UBE2G1: variants seen among roughly 807,000 people sequenced by gnomAD.
UBE2G1 encodes ubiquitin-conjugating enzyme E2 G1.
A neutral mutation model predicts 22.7 loss-of-function variants in UBE2G1; 5 were observed. The ratio of observed to expected loss-of-function variants is 0.22; its 90% CI spans 0.12 to 0.46. The LOEUF (loss-of-function observed/expected upper bound fraction) is 0.46. UBE2G1 is among the 20% of genes least tolerant of loss of function. UBE2G1 has a pLI of 0.99. For synonymous variants in UBE2G1, 74 were observed against 67.5 expected, an observed-to-expected ratio of 1.10 and a Z score of -0.47; for missense variants, 88 against 203.9, an observed-to-expected ratio of 0.43 and a Z score of 3.46.
chr17:4,363,950 C>CAA (rs1195720643), intron 1 of UBE2G1, among the ~76,000 whole-genome samples: 20 of 43,906 alleles, frequency 4.6e-4, no homozygotes, highest in African/African-American at 5.4e-4. Context: ...GACTCCGTCT[C>CAA]AAAAAAAAAA....
intron 1 of UBE2G1, among the ~76,000 whole-genome samples, chr17:4,307,439 T>C (rs1173735938): frequency 6.6e-6 from 1 of 152,196 alleles, no homozygotes; most frequent in Non-Finnish European, 1.5e-5. Context: ...CCCCCAGAGA[T>C]TCTCATTGAG....
intron 1 of UBE2G1, among the ~76,000 whole-genome samples, chr17:4,313,139 C>CA (rs1969330487): frequency 6.6e-6 from 1 of 152,154 alleles, no homozygotes; most frequent in Non-Finnish European, 1.5e-5. Flanking sequence ...CAGATATAAA[C>CA]AAAGAGGTAT....
chr17:4,331,792 G>A (rs1428694291), intron 1 of UBE2G1: 1 of 152,216 alleles, frequency 6.6e-6, no homozygotes, highest in Non-Finnish European at 1.5e-5. Context: ...TGCAGCGAAG[G>A]AGGAAGGCTA....
Position 4,289,222 on chromosome 17 carries a change from C to T in UBE2G1, c.426+8G>A. ...GTGAAGGGAAGGGAAGACGTGTGAC[C>T]ACCTTACCGCAGCATCAACATTAGC... On this transcript the variant is annotated splice_region_variant and intron_variant, in intron 4 of 5. Coordinates refer to ENST00000396981, the MANE Select transcript of UBE2G1 (RefSeq NM_003342.5). The T allele has an allele frequency of 1.3e-6, 2 of 1,521,558 alleles. No homozygotes were observed. The highest frequency in any genetic ancestry group is 2.6e-5 in the South Asian group (2 of 77,452). The allele number at this position is 1,521,558 out of a possible 1,614,324, so 94.3% of individuals were successfully genotyped here.
chr17:4,296,950 G>GGCA (rs1161337305), intron 2 of UBE2G1, 136 bp from the exon 3 acceptor site: 1 of 700,088 alleles, frequency 1.4e-6, no homozygotes, highest in Non-Finnish European at 2.4e-6. Flanking sequence ...GATTCCCACA[G>GGCA]GCAGTTACTT....
At chr17:4,343,214 C>G (rs1969730576) in intron 1 of UBE2G1, among the ~76,000 whole-genome samples, 1 of 152,154 alleles carries the variant, frequency 6.6e-6, no homozygotes, top group Admixed American at 6.6e-5. Context: ...TATGTGTGAT[C>G]TGCCAGCACT....
At chr17:4,300,915 A>G (rs1272132185) in intron 2 of UBE2G1, among the ~76,000 whole-genome samples, 1 of 151,232 alleles carries the variant, frequency 6.6e-6, no homozygotes, top group Non-Finnish European at 1.5e-5. Flanking sequence ...AGTGAGCAAC[A>G]GAGTCAGACT....
chr17:4,352,139 T>C (rs967862825), intron 1 of UBE2G1, among the ~76,000 whole-genome samples: 1 of 152,160 alleles, frequency 6.6e-6, no homozygotes, highest in African/African-American at 2.4e-5. Context: ...AATCAAAGGA[T>C]CATATGACCC....
intron 2 of UBE2G1, chr17:4,302,621 T>A (rs1969197783): frequency 1.4e-5 from 5 of 367,068 alleles, no homozygotes; most frequent in South Asian, 1.3e-4. Flanking sequence ...CTTACTCTAT[T>A]TTGTGAATCA....
intron 2 of UBE2G1, chr17:4,301,931 C>T: frequency 2.1e-6 from 1 of 483,234 alleles, no homozygotes; most frequent in East Asian, 5.5e-5. Context: ...TGGGGTCACA[C>T]TTAAGATTGG....
At chr17:4,348,280 G>A (rs1237279030) in intron 1 of UBE2G1, among the ~76,000 whole-genome samples, 2 of 152,056 alleles carry the variant, frequency 1.3e-5, no homozygotes, top group African/African-American at 2.4e-5. Flanking sequence ...TAGGCCGGGC[G>A]CGGTGGCTCA....
chr17:4,334,313 C>T (rs1490864850), intron 1 of UBE2G1, among the ~76,000 whole-genome samples: 2 of 152,020 alleles, frequency 1.3e-5, no homozygotes, highest in African/African-American at 4.8e-5. Context: ...AACACTTCTC[C>T]CTCATAAACA....
At chr17:4,285,630 G>A (rs1968953644) in intron 4 of UBE2G1, among the ~76,000 whole-genome samples, 1 of 152,146 alleles carries the variant, frequency 6.6e-6, no homozygotes. Context: ...AATCAACTAA[G>A]CCCCAGGCTG....
intron 1 of UBE2G1, 147 bp from the exon 2 acceptor site, chr17:4,307,270 C>T (rs1161676167): frequency 1.1e-5 from 7 of 657,668 alleles, no homozygotes; most frequent in Non-Finnish European, 1.5e-5. Context: ...TACTTGATGG[C>T]CAAAACATTT....
chr17:4,301,674 T>C (rs1969181686), intron 2 of UBE2G1: 1 of 740,670 alleles, frequency 1.4e-6, no homozygotes, highest in East Asian at 2.7e-5. Flanking sequence ...TGTTTTGTTC[T>C]GGGTGGAATA....
At position 4,270,871 on chromosome 17, in the gene UBE2G1, A is replaced by G. The variant is rs1567994162; in HGVS notation, c.*1683T>C. 1 of 152,194 alleles carries G rather than the reference A, an allele frequency of 6.6e-6. No individual in the cohort carries two copies. Among genetic ancestry groups the G allele is most frequent in the East Asian group, 1.9e-4 (1 of 5,192 alleles). 9.4% of individuals were successfully genotyped at this position (152,194 alleles called of 1,614,324 possible). On this transcript the variant is annotated 3_prime_UTR_variant, in exon 6 of 6. Transcript: ENST00000396981. ...TTTATTTCTGCTTAAAAAAGGACAT[A>G]CAACGTTTGTAGAGGTCTGGGCTCT...
chr17:4,301,311 G>C (rs749238860), intron 2 of UBE2G1: 1 of 429,468 alleles, frequency 2.3e-6, no homozygotes, highest in African/African-American at 2.0e-5. Flanking sequence ...TCCTGGAGTT[G>C]TCACCCCTTT....
At chr17:4,328,966 C>A (rs1312361692) in intron 1 of UBE2G1, among the ~76,000 whole-genome samples, 1 of 151,878 alleles carries the variant, frequency 6.6e-6, no homozygotes, top group Non-Finnish European at 1.5e-5. Flanking sequence ...ATTAGCCAGG[C>A]GTGGTGGCGG....
chr17:4,298,120 A>C (rs1969132259), intron 2 of UBE2G1, among the ~76,000 whole-genome samples: 1 of 152,210 alleles, frequency 6.6e-6, no homozygotes, highest in Admixed American at 6.5e-5. Context: ...CTATTGTTAC[A>C]TTTTTAAAAG....
Sources: allele counts gnomAD v4.1 joint callset (sites outside exome capture counted in the v4.1 genomes callset), GRCh38; gene constraint gnomAD v4.1.1; transcripts MANE v1.5; gene names NCBI Gene and HGNC (gene_info 2026-07-23, HGNC 2026-07-21).